ERBB4: variants seen among roughly 807,000 people sequenced by gnomAD.
ERBB4 encodes the protein receptor tyrosine-protein kinase erbB-4.
ERBB4 carries 42 observed loss-of-function variants against 158.0 expected under a neutral mutation model. The ratio of observed to expected loss-of-function variants is 0.27; its 90% confidence interval spans 0.21 to 0.34. The LOEUF is 0.34. Ranked by LOEUF, ERBB4 falls within the 10% of genes least tolerant of loss-of-function variation. The pLI is 1.00. For missense variants in ERBB4, 1,333 were observed against 1,624.1 expected (o/e 0.82, Z 3.08); for synonymous variants, 583 against 558.7 (o/e 1.04, Z -0.61).
intron 1 of ERBB4, among the ~76,000 whole-genome samples, chr2:212,323,171 T>G (rs573985011): frequency 6.6e-6 from 1 of 150,736 alleles, no homozygotes; most frequent in East Asian, 2.0e-4. Flanking sequence ...GTCAGTGCAT[T>G]TTAATTATTT....
chr2:211,573,822 A>C (rs1470214673), intron 19 of ERBB4, among the ~76,000 whole-genome samples: 1 of 152,220 alleles, frequency 6.6e-6, no homozygotes, highest in Non-Finnish European at 1.5e-5. Context: ...TGCTTTAAGC[A>C]ACAAGAACTG....
chr2:212,346,496 T>TTAAAATGTTTTAAAATATATTTAAAACA (rs2089006386), intron 1 of ERBB4, among the ~76,000 whole-genome samples: 4 of 135,132 alleles, frequency 3.0e-5, no homozygotes. Flanking sequence ...CACTAAAACA[T>TTAAAATGTTTTAAAATATATTTAAAACA]TAAAATGTTT....
intron 7 of ERBB4, among the ~76,000 whole-genome samples, chr2:211,716,396 G>T (rs978490299): frequency 1.9e-5 from 2 of 104,028 alleles, no homozygotes; most frequent in Non-Finnish European, 3.8e-5. Flanking sequence ...AAAAAAAAAG[G>T]CCGGGCGCAG....
chr2:211,499,449 G>A (rs907681069), intron 20 of ERBB4, among the ~76,000 whole-genome samples: 1 of 152,066 alleles, frequency 6.6e-6, no homozygotes, highest in Non-Finnish European at 1.5e-5. Context: ...TTTGAACCCA[G>A]GAGAAGGAGG....
At chr2:211,775,390 A>G (rs1414550769) in intron 4 of ERBB4, among the ~76,000 whole-genome samples, 3 of 152,214 alleles carry the variant, frequency 2.0e-5, no homozygotes, top group African/African-American at 7.2e-5. Context: ...TAGCTCTTCC[A>G]TCTTTCCCTT....
At chr2:212,528,576 T>G (rs1200373745) in intron 1 of ERBB4, among the ~76,000 whole-genome samples, 1 of 152,178 alleles carries the variant, frequency 6.6e-6, no homozygotes, top group African/African-American at 2.4e-5. Context: ...ATTAATAGAT[T>G]ACTCGGCAGA....
intron 1 of ERBB4, among the ~76,000 whole-genome samples, chr2:212,337,978 T>C (rs76374893): frequency 0.026 from 4,027 of 152,202 alleles, 160 homozygotes; most frequent in African/African-American, 0.092. Flanking sequence ...GAGAGTAATA[T>C]TGAATGCCAT....
chr2:211,702,476 A>G (rs1315444249), intron 11 of ERBB4, among the ~76,000 whole-genome samples: 2 of 152,188 alleles, frequency 1.3e-5, no homozygotes, highest in African/African-American at 4.8e-5. Context: ...ACATTGTTCA[A>G]TGATGAAATC....
At chr2:211,697,830 A>C (rs1227883953) in intron 12 of ERBB4, among the ~76,000 whole-genome samples, 1 of 152,164 alleles carries the variant, frequency 6.6e-6, no homozygotes, top group African/African-American at 2.4e-5. Flanking sequence ...TTAGTGAGAA[A>C]ATTTTTATGT....
intron 1 of ERBB4, among the ~76,000 whole-genome samples, chr2:212,272,424 C>T (rs1408220988): frequency 6.6e-6 from 1 of 151,722 alleles, no homozygotes; most frequent in Non-Finnish European, 1.5e-5. Context: ...ATGAGTAGGT[C>T]ATGGCCGTTG....
chr2:212,190,534 C>T (rs1351773011), intron 1 of ERBB4, among the ~76,000 whole-genome samples: 3 of 23,338 alleles, frequency 1.3e-4, no homozygotes, highest in Non-Finnish European at 4.4e-4. Context: ...GAGACTCCGT[C>T]TCAAAAAAAA....
At chr2:211,574,357 G>C (rs2067829953) in intron 19 of ERBB4, among the ~76,000 whole-genome samples, 1 of 152,214 alleles carries the variant, frequency 6.6e-6, no homozygotes, top group East Asian at 1.9e-4. Context: ...GTAGATTTTG[G>C]CATTATAAGA....
intron 20 of ERBB4, among the ~76,000 whole-genome samples, chr2:211,519,572 C>A (rs1329010723): frequency 1.3e-5 from 2 of 151,706 alleles, no homozygotes; most frequent in African/African-American, 4.8e-5. Context: ...AAATTTCAGA[C>A]AAACAGGACT....
chr2:212,322,309 G>T (rs10164675), intron 1 of ERBB4, among the ~76,000 whole-genome samples: 18,118 of 149,904 alleles, frequency 0.12, 2,357 homozygotes, highest in African/African-American at 0.29. Context: ...GATAGTAAGA[G>T]CTCTTAAACA....
intron 12 of ERBB4, among the ~76,000 whole-genome samples, chr2:211,701,751 C>T (rs1317765361): frequency 2.1e-5 from 2 of 96,794 alleles, no homozygotes; most frequent in East Asian, 2.9e-4. Context: ...AGCGAGACTC[C>T]GTCTCAAAAA....
intron 2 of ERBB4, among the ~76,000 whole-genome samples, chr2:212,018,305 G>C (rs977134782): frequency 6.6e-6 from 1 of 152,120 alleles, no homozygotes; most frequent in African/African-American, 2.4e-5. Flanking sequence ...GAATACAAGG[G>C]TCTCAGCAGC....
At chr2:211,537,743 A>G (rs899335150) in intron 20 of ERBB4, among the ~76,000 whole-genome samples, 5 of 152,000 alleles carry the variant, frequency 3.3e-5, no homozygotes, top group African/African-American at 1.2e-4. Context: ...CACACAAAAT[A>G]CAGGCTGAAT....
At chr2:212,340,679 C>T (rs993696822) in intron 1 of ERBB4, among the ~76,000 whole-genome samples, 6 of 152,164 alleles carry the variant, frequency 3.9e-5, no homozygotes, top group Admixed American at 3.3e-4. Context: ...CCAGGTAATG[C>T]GAGCTATGGG....
intron 25 of ERBB4, among the ~76,000 whole-genome samples, chr2:211,396,031 T>A (rs1381323459): frequency 6.6e-6 from 1 of 151,936 alleles, no homozygotes; most frequent in Non-Finnish European, 1.5e-5. Context: ...AAAAAAAGAC[T>A]ATAAACACTT....
Sources: gnomAD v4.1 joint callset for allele counts (sites outside exome capture counted in the v4.1 genomes callset) on GRCh38, gnomAD v4.1.1 for gene constraint, MANE v1.5 for transcripts, NCBI Gene and HGNC (gene_info 2026-07-23, HGNC 2026-07-21) for gene names.